Variants in PDE6A observed in about 807,000 individuals in gnomAD.
The protein encoded by PDE6A is rod cGMP-specific 3',5'-cyclic phosphodiesterase subunit alpha.
A neutral mutation model predicts 106.3 loss-of-function variants in PDE6A; 84 were observed. The ratio of observed to expected loss-of-function variants is 0.79; its 90% CI spans 0.66 to 0.95. The LOEUF (loss-of-function observed/expected upper bound fraction) is 0.95, where lower values mean the gene tolerates loss of function less well. Ranked by LOEUF, PDE6A falls within the 40% of genes least tolerant of loss-of-function variation. The pLI is 0.00. For missense variants in PDE6A, 1,052 were observed against 1,084.9 expected (o/e 0.97, Z 0.43); for synonymous variants, 394 against 386.6 (o/e 1.02, Z -0.23).
intron 20 of PDE6A, among the ~76,000 whole-genome samples, chr5:149,865,704 T>C (rs1328617894): frequency 2.6e-5 from 4 of 152,232 alleles, no homozygotes; most frequent in Admixed American, 2.6e-4. Flanking sequence ...ATGTGTAACA[T>C]GGCCAAAATA....
intron 4 of PDE6A, among the ~76,000 whole-genome samples, chr5:149,928,232 T>TTTA (rs1554091942): frequency 8.8e-5 from 1 of 11,366 alleles, no homozygotes; most frequent in East Asian, 7.0e-4. Context: ...TATATATATA[T>TTTA]TTTTTTTTTT....
chr5:149,932,606 C>CA, intron 3 of PDE6A: 1 of 1,610,924 alleles, frequency 6.2e-7, no homozygotes, highest in Non-Finnish European at 8.5e-7. Flanking sequence ...CTGGGACCCT[C>CA]ATTCGCTGAC....
Position 149,943,269 on chromosome 5 carries a change from A to C in PDE6A, c.474+931T>G, listed in dbSNP as rs571803363. ...ACATTTTTAACAAAGCACATCCTGCACAGCCCTAAATCCATTAAACCTTGA... is the reference window on the plus strand; with the variant it reads ...ACATTTTTAACAAAGCACATCCTGCCCAGCCCTAAATCCATTAAACCTTGA... On this transcript the variant is annotated intron_variant, in intron 1 of 21. Coordinates refer to ENST00000255266, the MANE Select transcript of PDE6A (RefSeq NM_000440.3). 1.8e-4 allele frequency among the ~76,000 whole-genome samples: 28 copies of C among 152,380 alleles called. No homozygotes were observed. In the South Asian group the frequency reaches 5.8e-3, roughly 32 times the overall value.
At chr5:149,912,459 C>T (rs1224243104) in intron 6 of PDE6A, among the ~76,000 whole-genome samples, 3 of 152,238 alleles carry the variant, frequency 2.0e-5, no homozygotes, top group African/African-American at 7.2e-5. Context: ...TTCCTAACCA[C>T]TCAAGTAATG....
At chr5:149,867,538 C>T (rs527820267) in intron 19 of PDE6A, 187 bp downstream of exon 19, 167 of 667,486 alleles carry the variant, frequency 2.5e-4, no homozygotes, top group African/African-American at 2.4e-3. Context: ...TGTGAATATA[C>T]ATACCTAACA....
chr5:149,927,085 T>C (rs1317010779), intron 4 of PDE6A, among the ~76,000 whole-genome samples: 1 of 152,124 alleles, frequency 6.6e-6, no homozygotes, highest in African/African-American at 2.4e-5. Context: ...AAATGTGTGT[T>C]TCTTTGGGCA....
chr5:149,931,134 T>G lies in PDE6A; in HGVS notation c.752A>C (p.Glu251Ala), dbSNP rs1328152338. The change falls in exon 4 of 22, where the codon GAA becomes GCA. Residue 251 changes from glutamate (E) to alanine (A), a missense_variant. By Grantham distance (107) the Glu-to-Ala change is moderately radical (BLOSUM62 -1). Coordinates refer to ENST00000255266, the MANE Select transcript of PDE6A (RefSeq NM_000440.3). ...LLWSGSKVFE[E>A]LTDIERQFHK... ...GAACTGTCGTTCGATGTCCGTAAGT[T>G]CTTCAAAGACTTTGCTCCCAGACCA... The G allele has an allele frequency of 1.2e-6, 2 of 1,614,160 alleles. No homozygotes were observed. Among genetic ancestry groups the G allele is most frequent in the Admixed American group, 3.3e-5 (2 of 60,024 alleles).
At chr5:149,893,034 A>G (rs1015304813) in intron 13 of PDE6A, among the ~76,000 whole-genome samples, 3 of 152,192 alleles carry the variant, frequency 2.0e-5, no homozygotes, top group Admixed American at 1.3e-4. Flanking sequence ...TTCCACTTTT[A>G]TAAACTCTGA....
chr5:149,895,153 A>G, intron 13 of PDE6A, 30 bp downstream of exon 13: 1 of 1,388,246 alleles, frequency 7.2e-7, no homozygotes, highest in Non-Finnish European at 1.0e-6. Context: ...ATGCAAGCCC[A>G]CCCTACCAGC....
At chr5:149,889,007 C>T (rs959359551) in intron 13 of PDE6A, among the ~76,000 whole-genome samples, 4 of 142,326 alleles carry the variant, frequency 2.8e-5, no homozygotes, top group African/African-American at 5.4e-5. Context: ...GGCGTGAACC[C>T]GGGAGGCAGA....
intron 6 of PDE6A, among the ~76,000 whole-genome samples, chr5:149,912,032 A>T (rs935930434): frequency 2.6e-5 from 4 of 152,060 alleles, no homozygotes; most frequent in Non-Finnish European, 5.9e-5. Flanking sequence ...CAAATAATTG[A>T]TATATTTGAA....
chr5:149,876,349 CTTTT>C (rs896643767), intron 17 of PDE6A, among the ~76,000 whole-genome samples: 7 of 120,104 alleles, frequency 5.8e-5, no homozygotes, highest in Admixed American at 1.7e-4. Context: ...CATTTTTCCT[CTTTT>C]TTTTTTTTTT....
chr5:149,911,016 A>G (rs920251164), intron 6 of PDE6A, among the ~76,000 whole-genome samples: 4 of 150,602 alleles, frequency 2.7e-5, no homozygotes, highest in African/African-American at 9.8e-5. Context: ...AGCAGCTGGG[A>G]CCACAGGTGT....
intron 13 of PDE6A, among the ~76,000 whole-genome samples, chr5:149,887,845 G>A (rs528209415): frequency 1.5e-3 from 221 of 151,674 alleles, no homozygotes; most frequent in Non-Finnish European, 2.6e-3. Context: ...GACCCCTCCC[G>A]CCCATACCTA....
chr5:149,863,014 G>A lies in PDE6A; in HGVS notation c.2506+105C>T. 7.2e-7 allele frequency: 1 copy of A among 1,379,538 alleles called. No individual in the cohort carries two copies. The highest frequency in any genetic ancestry group is 1.0e-6 in the Non-Finnish European group (1 of 967,676). The allele number at this position is 1,379,538 out of a possible 1,614,324, so 85.5% of individuals were successfully genotyped here. A position where few individuals can be genotyped will look rare whatever the true frequency, so the allele number is the denominator to read the frequency against. On this transcript the variant is annotated intron_variant, in intron 21 of 21. Coordinates refer to ENST00000255266, the MANE Select transcript of PDE6A (RefSeq NM_000440.3). This position sits in a 1 kb window ranked among gnomAD's most constrained non-coding sequence, Gnocchi z 4.7. Reference sequence around the variant, plus strand: ...AGAATGGGGACAGTATTGGCCATCAGGAGGCCTGAATGAGACTCCGTGTAA... The same window carrying A: ...AGAATGGGGACAGTATTGGCCATCAAGAGGCCTGAATGAGACTCCGTGTAA...
chr5:149,878,315 T>A (rs1485907205), intron 17 of PDE6A, among the ~76,000 whole-genome samples: 2 of 152,214 alleles, frequency 1.3e-5, no homozygotes, highest in African/African-American at 4.8e-5. Flanking sequence ...TTTTTTTTCT[T>A]TTAAAATTAA....
At position 149,863,596 on chromosome 5, in the gene PDE6A, A is replaced by G. The variant is rs1441648124; in HGVS notation, c.2359-330T>C. On this transcript the variant is annotated intron_variant, in intron 20 of 21. Coordinates refer to ENST00000255266, the MANE Select transcript of PDE6A (RefSeq NM_000440.3). The surrounding 1 kb of genome is among the most constrained non-coding windows in gnomAD (Gnocchi z 4.7). ...TCTTAGTTCCTGGAGTGTGTCCTCC[A>G]TTCTGTGAGCCTCACACAAGCTGCT... Among the ~76,000 whole-genome samples the G allele has an allele frequency of 6.6e-6, 1 of 151,374 alleles. No homozygotes were observed. Among genetic ancestry groups the G allele is most frequent in the African/African-American group, 2.4e-5 (1 of 41,222 alleles).
Position 149,899,494 on chromosome 5 carries a change from T to A in PDE6A, c.1144A>T (p.Ile382Phe). The change falls in exon 9 of 22, where the codon ATT becomes TTT. Residue 382 changes from isoleucine to phenylalanine, a missense_variant. Around this residue, in one of 3 missense-constraint regions of PDE6A, gnomAD observed 913 missense variants for 915.2 expected, o/e 1.00. Transcript: ENST00000255266. The part of the protein sequence containing the change: ...KEPLDESGWM[I>F]KNVLSMPIVN... Reference sequence around the variant, plus strand: ...ATCGGCATTGAAAGCACATTTTTAATCATCCATCCAGACTCATCCAGAGGT... The same window carrying A: ...ATCGGCATTGAAAGCACATTTTTAAACATCCATCCAGACTCATCCAGAGGT... 2.5e-6 allele frequency: 4 copies of A among 1,614,198 alleles called. No homozygotes were observed. The highest frequency in any genetic ancestry group is 3.4e-6 in the Non-Finnish European group (4 of 1,180,012).
chr5:149,911,226 A>C (rs1753375659), intron 6 of PDE6A, among the ~76,000 whole-genome samples: 1 of 152,116 alleles, frequency 6.6e-6, no homozygotes, highest in African/African-American at 2.4e-5. Flanking sequence ...CCTCTGCTTT[A>C]GTCCTTACAC....
Sources: allele counts gnomAD v4.1 joint callset (sites outside exome capture counted in the v4.1 genomes callset), GRCh38; gene constraint gnomAD v4.1.1; regional missense constraint gnomAD v4.1.1; non-coding constraint Gnocchi (gnomAD v3.1); transcripts MANE v1.5; gene names NCBI Gene and HGNC (gene_info 2026-07-23, HGNC 2026-07-21).